The following GRAMD1B variants were observed in gnomAD, a reference collection of about 807,000 sequenced individuals.
GRAMD1B encodes the protein GRAM domain containing 1B.
Under a neutral mutation model 99.7 loss-of-function variants are expected in GRAMD1B, and 37 were observed. The observed-to-expected ratio is 0.37, with a 90% confidence interval of 0.29 to 0.49. GRAMD1B has a LOEUF of 0.49. Among genes scored for constraint, GRAMD1B ranks in the 20% least tolerant of loss-of-function variants. GRAMD1B has a pLI of 0.98. For synonymous variants in GRAMD1B, 427 were observed against 387.6 expected, an observed-to-expected ratio of 1.10 and a Z score of -1.19; for missense variants, 888 against 1,009.2, an observed-to-expected ratio of 0.88 and a Z score of 1.63.
At chr11:123,595,536 C>T (rs375296730) in intron 6 of GRAMD1B, among the ~76,000 whole-genome samples, 14 of 152,190 alleles carry the variant, frequency 9.2e-5, no homozygotes, top group East Asian at 3.9e-4. Context: ...TCAGGTGATC[C>T]GCCCGCCTCC....
rs539473461 is a variant in GRAMD1B, at chr11:123,559,300, G to C, written c.453-18067G>C. On this transcript the variant is annotated intron_variant, in intron 2 of 19. Coordinates refer to ENST00000635736, the MANE Select transcript of GRAMD1B (RefSeq NM_001387025.1). The stretch of plus-strand genomic sequence containing the variant: ...GCTACATCCCTCAAGAGATGACAAT[G>C]GTTCTCAAATAGTTGGGGTGTGAGG... Among the ~76,000 whole-genome samples, 3 of 152,270 alleles carry C rather than the reference G, an allele frequency of 2.0e-5. No individual in the cohort carries two copies. In the South Asian group the frequency reaches 6.2e-4, roughly 32 times the overall value.
At chr11:123,440,473 C>T (rs1056140144) in intron 1 of GRAMD1B, among the ~76,000 whole-genome samples, 2 of 152,070 alleles carry the variant, frequency 1.3e-5, no homozygotes, top group African/African-American at 4.8e-5. Context: ...AGCGCCACTG[C>T]ACTCCAGCCT....
At chr11:123,371,330 T>A (rs1267905407) in intron 1 of GRAMD1B, among the ~76,000 whole-genome samples, 1 of 152,168 alleles carries the variant, frequency 6.6e-6, no homozygotes, top group Non-Finnish European at 1.5e-5. Context: ...CTTATGATTA[T>A]GTACAGGAAA....
chr11:123,476,858 T>C (rs1282282279), intron 1 of GRAMD1B, among the ~76,000 whole-genome samples: 2 of 152,234 alleles, frequency 1.3e-5, no homozygotes, highest in African/African-American at 4.8e-5. Context: ...TAAGACAGAA[T>C]TGTCTTACTG....
intron 1 of GRAMD1B, among the ~76,000 whole-genome samples, chr11:123,366,311 AT>A (rs1159177693): frequency 1.4e-4 from 22 of 152,224 alleles, no homozygotes; most frequent in Non-Finnish European, 2.6e-4. Flanking sequence ...CAGTAGGGCT[AT>A]TTTTTTAGAG....
At chr11:123,563,911 C>T (rs17127467) in intron 2 of GRAMD1B, among the ~76,000 whole-genome samples, 4,057 of 152,230 alleles carry the variant, frequency 0.027, 77 homozygotes, top group East Asian at 0.093. Context: ...GCAGCGGGAC[C>T]GACCTCTTAC....
chr11:123,456,899 G>A (rs113124284), intron 1 of GRAMD1B, among the ~76,000 whole-genome samples: 7,710 of 137,928 alleles, frequency 0.056, 262 homozygotes, highest in African/African-American at 0.082. Flanking sequence ...CAGCCTGGGC[G>A]ACAGAGGGAG....
chr11:123,568,099 A>T lies in GRAMD1B; in HGVS notation c.453-9268A>T, dbSNP rs570049951. On this transcript the variant is annotated intron_variant, in intron 2 of 19. Transcript: ENST00000635736. ...CCCATCTTTAAATTTCTTTGTAAAA[A>T]TTTTTTAAAGTTTTGGGTTTTTTTT... 1.9e-3 allele frequency among the ~76,000 whole-genome samples: 285 copies of T among 151,236 alleles called. 2 individuals carry two copies. Among genetic ancestry groups the T allele is most frequent in the African/African-American group, 6.7e-3 (274 of 41,146 alleles).
Position 123,492,574 on chromosome 11 carries a change from C to T in GRAMD1B, c.452+11681C>T, listed in dbSNP as rs562745258. On this transcript the variant is annotated intron_variant, in intron 2 of 19. Transcript: ENST00000635736. This position sits in a 1 kb window ranked among gnomAD's most constrained non-coding sequence, Gnocchi z 4.2. The stretch of plus-strand genomic sequence containing the variant: ...CTCTGTAACTAGAAGAAGGAGATTT[C>T]CTGGAGGAGGAAGAGGTTCCAGCCC... Among the ~76,000 whole-genome samples, 47 of 152,136 alleles carry T rather than the reference C, an allele frequency of 3.1e-4. No homozygotes were observed. Among genetic ancestry groups the T allele is most frequent in the Admixed American group, 1.0e-3 (16 of 15,280 alleles).
intron 3 of GRAMD1B, among the ~76,000 whole-genome samples, chr11:123,580,545 C>T (rs187479454): frequency 9.2e-5 from 14 of 152,296 alleles, no homozygotes; most frequent in Middle Eastern, 3.4e-3. Flanking sequence ...GTCTTTCTTC[C>T]CTTCTCTGGG....
chr11:123,589,138 A>G (rs1216748194), intron 4 of GRAMD1B, among the ~76,000 whole-genome samples: 1 of 151,378 alleles, frequency 6.6e-6, no homozygotes, highest in Non-Finnish European at 1.5e-5. Flanking sequence ...TGCTTGCGGC[A>G]TCATGTTGGG....
intron 2 of GRAMD1B, among the ~76,000 whole-genome samples, chr11:123,538,150 A>T (rs1419209972): frequency 1.3e-5 from 2 of 152,072 alleles, no homozygotes; most frequent in African/African-American, 4.8e-5. Context: ...AAACATATTT[A>T]TAACTATCTC....
At chr11:123,448,041 AAGAG>A (rs917498875) in intron 1 of GRAMD1B, among the ~76,000 whole-genome samples, 4 of 151,574 alleles carry the variant, frequency 2.6e-5, no homozygotes, top group Non-Finnish European at 5.9e-5. Context: ...TTTAAAAAAA[AAGAG>A]AGAGAGAGAG....
chr11:123,575,966 A>G (rs1027682779), intron 2 of GRAMD1B, among the ~76,000 whole-genome samples: 2 of 151,984 alleles, frequency 1.3e-5, no homozygotes, highest in African/African-American at 4.8e-5. Context: ...TTTGGGGCAC[A>G]TTTATCTTCC....
At chr11:123,409,974 T>C (rs1467253548) in intron 1 of GRAMD1B, among the ~76,000 whole-genome samples, 1 of 151,966 alleles carries the variant, frequency 6.6e-6, no homozygotes, top group African/African-American at 2.4e-5. Flanking sequence ...TGTGGTGGAG[T>C]TGGACTTATG....
intron 1 of GRAMD1B, among the ~76,000 whole-genome samples, chr11:123,420,424 T>C (rs568521018): frequency 1.3e-5 from 2 of 152,204 alleles, no homozygotes; most frequent in African/African-American, 4.8e-5. Flanking sequence ...GAGAAACTGA[T>C]TATGTGGCCT....
chr11:123,435,986 A>G (rs1591528428), intron 1 of GRAMD1B, among the ~76,000 whole-genome samples: 1 of 119,180 alleles, frequency 8.4e-6, no homozygotes, highest in Admixed American at 1.2e-4. Flanking sequence ...TCTCTCACCC[A>G]GGCTGGAGTG....
At chr11:123,372,595 T>A (rs1428159159) in intron 1 of GRAMD1B, among the ~76,000 whole-genome samples, 1 of 152,014 alleles carries the variant, frequency 6.6e-6, no homozygotes, top group Non-Finnish European at 1.5e-5. Context: ...TGTAAAGTAT[T>A]CTGGTTCTCC....
Position 123,617,586 on chromosome 11 carries a change from C to T in GRAMD1B, c.2319-1107C>T, listed in dbSNP as rs561868052. Reference sequence around the variant, plus strand: ...CCTTTGTGTAGGGCCTGTGGTGTGCCGGGATATTTTACAATATATTCCCTT... The same window carrying T: ...CCTTTGTGTAGGGCCTGTGGTGTGCTGGGATATTTTACAATATATTCCCTT... On this transcript the variant is annotated intron_variant, in intron 17 of 19. Coordinates refer to ENST00000635736, the MANE Select transcript of GRAMD1B (RefSeq NM_001387025.1). Among the ~76,000 whole-genome samples, 16 of 152,204 alleles carry T rather than the reference C, an allele frequency of 1.1e-4. 1 individual carries two copies. The highest frequency in any genetic ancestry group is 1.9e-4 in the East Asian group (1 of 5,176).
Sources: gnomAD v4.1 joint callset for allele counts (sites outside exome capture counted in the v4.1 genomes callset) on GRCh38, gnomAD v4.1.1 for gene constraint, Gnocchi (gnomAD v3.1) non-coding constraint, MANE v1.5 for transcripts, NCBI Gene and HGNC (gene_info 2026-07-23, HGNC 2026-07-21) for gene names.